The following HCN1 variants were observed in gnomAD, a reference collection of about 807,000 sequenced individuals.
The protein encoded by HCN1 is hyperpolarization activated cyclic nucleotide gated potassium channel 1, also known as potassium/sodium hyperpolarization-activated cyclic nucleotide-gated channel 1.
HCN1 carries 13 observed loss-of-function variants against 78.9 expected under a neutral mutation model. That is an observed-to-expected ratio of 0.16 (90% CI 0.11 to 0.26). The LOEUF (loss-of-function observed/expected upper bound fraction) is 0.26, where lower values mean the gene tolerates loss of function less well. Ranked by LOEUF, HCN1 falls within the 10% of genes least tolerant of loss-of-function variation. The pLI is 1.00. For missense variants in HCN1, 810 were observed against 1,154.3 expected (o/e 0.70, Z 4.32); for synonymous variants, 552 against 455.5 (o/e 1.21, Z -2.70).
intron 2 of HCN1, among the ~76,000 whole-genome samples, chr5:45,493,474 G>A (rs1018608153): frequency 1.5e-4 from 22 of 151,618 alleles, no homozygotes; most frequent in Admixed American, 1.4e-3. Context: ...AAATATCTAT[G>A]TTTTGTGAAA....
At chr5:45,497,258 G>C (rs1579931560) in intron 2 of HCN1, among the ~76,000 whole-genome samples, 1 of 152,178 alleles carries the variant, frequency 6.6e-6, no homozygotes, top group Non-Finnish European at 1.5e-5. Context: ...GGGTATCCTT[G>C]TTGACTTTCT....
chr5:45,581,535 T>C (rs1017168969), intron 2 of HCN1, among the ~76,000 whole-genome samples: 2 of 152,170 alleles, frequency 1.3e-5, no homozygotes, highest in African/African-American at 2.4e-5. Flanking sequence ...TTAGATCCCA[T>C]TTGTCAATTT....
intron 2 of HCN1, among the ~76,000 whole-genome samples, chr5:45,569,921 G>A (rs927425388): frequency 2.6e-5 from 4 of 151,854 alleles, no homozygotes; most frequent in African/African-American, 9.7e-5. Context: ...TTAACATACA[G>A]GAAATGACTT....
chr5:45,678,461 T>C (rs1159702737), intron 1 of HCN1, among the ~76,000 whole-genome samples: 2 of 151,964 alleles, frequency 1.3e-5, no homozygotes, highest in Non-Finnish European at 2.9e-5. Context: ...TATATAGTGG[T>C]AGATTGCAAC....
intron 2 of HCN1, among the ~76,000 whole-genome samples, chr5:45,550,900 A>G (rs1461182214): frequency 6.6e-6 from 1 of 151,930 alleles, no homozygotes; most frequent in Non-Finnish European, 1.5e-5. Context: ...GTTTCTAGGA[A>G]ACCATTCATA....
intron 3 of HCN1, among the ~76,000 whole-genome samples, chr5:45,413,360 G>T (rs963825868): frequency 6.6e-6 from 1 of 151,914 alleles, no homozygotes; most frequent in Admixed American, 6.6e-5. Context: ...GTATCATTTT[G>T]CCAGAAGAGG....
At position 45,523,892 on chromosome 5, in the gene HCN1, T is replaced by C. The variant is rs1227828410; in HGVS notation, c.850-61885A>G. Among the ~76,000 whole-genome samples, 4 of 152,210 alleles carry C rather than the reference T, an allele frequency of 2.6e-5. No individual in the cohort carries two copies. In the East Asian group the frequency reaches 7.7e-4, roughly 29 times the overall value. On this transcript the variant is annotated intron_variant, in intron 2 of 7. Coordinates refer to ENST00000303230, the MANE Select transcript of HCN1 (RefSeq NM_021072.4). ...AGATCCCATTTGTCAATTTTGGCTT[T>C]TGTTGCCATTGCTTTTGGGGTTTTG...
chr5:45,534,136 C>G (rs541485369), intron 2 of HCN1, among the ~76,000 whole-genome samples: 1 of 152,034 alleles, frequency 6.6e-6, no homozygotes, highest in African/African-American at 2.4e-5. Flanking sequence ...TGGCTCATGC[C>G]TGTAATCCCA....
Position 45,303,583 on chromosome 5 carries a change from C to A in HCN1, c.1618+16G>T. 1.2e-6 allele frequency: 2 copies of A among 1,612,690 alleles called. No individual in the cohort carries two copies. The highest frequency in any genetic ancestry group is 8.5e-7 in the Non-Finnish European group (1 of 1,179,254). On this transcript the variant is annotated intron_variant, in intron 6 of 7. Transcript: ENST00000303230. ...AGCAGTTTAGATTTCATCTTAGTTG[C>A]ATCTTTTTTACTAACCTCCAAAGTA...
In HCN1 at chr5:45,611,596, T is replaced by C. The variant is rs188776256; in HGVS notation, c.849+33589A>G. On this transcript the variant is annotated intron_variant, in intron 2 of 7. Transcript: ENST00000303230. ...CCCTACCATTACATTCTTAATAACA[T>C]AATAAATATTTATTAGTTTTATCAC... 2.5e-3 allele frequency among the ~76,000 whole-genome samples: 384 copies of C among 152,132 alleles called. 1 individual carries two copies. Among genetic ancestry groups the C allele is most frequent in the Middle Eastern group, 0.01 (3 of 294 alleles).
chr5:45,680,673 T>A (rs977480622), intron 1 of HCN1, among the ~76,000 whole-genome samples: 4 of 152,104 alleles, frequency 2.6e-5, no homozygotes. Context: ...TAAATAATAA[T>A]ATTGTACTGT....
intron 2 of HCN1, among the ~76,000 whole-genome samples, chr5:45,582,222 GA>G (rs1744095052): frequency 6.6e-6 from 1 of 152,122 alleles, no homozygotes; most frequent in African/African-American, 2.4e-5. Context: ...AGTTCTCCTT[GA>G]AGAGGTCCTT....
intron 4 of HCN1, among the ~76,000 whole-genome samples, chr5:45,361,357 T>C (rs1217610831): frequency 6.6e-6 from 1 of 152,110 alleles, no homozygotes; most frequent in East Asian, 1.9e-4. Context: ...GTACTTTCAG[T>C]AGAGATGGGA....
chr5:45,632,422 A>T (rs1241855859), intron 2 of HCN1, among the ~76,000 whole-genome samples: 1 of 152,014 alleles, frequency 6.6e-6, no homozygotes, highest in Non-Finnish European at 1.5e-5. Flanking sequence ...ACAAAAGAGG[A>T]GGATGAGGAA....
chr5:45,570,814 T>A (rs1308262191), intron 2 of HCN1, among the ~76,000 whole-genome samples: 1 of 152,142 alleles, frequency 6.6e-6, no homozygotes, highest in East Asian at 1.9e-4. Context: ...GAATTAGATG[T>A]TTCTGACACA....
At chr5:45,287,341 T>C (rs2111878618) in intron 6 of HCN1, among the ~76,000 whole-genome samples, 1 of 152,188 alleles carries the variant, frequency 6.6e-6, no homozygotes, top group Non-Finnish European at 1.5e-5. Flanking sequence ...AAGCTCCCTC[T>C]AATTCTAAAT....
intron 1 of HCN1, among the ~76,000 whole-genome samples, chr5:45,675,531 A>T (rs1746250642): frequency 6.6e-6 from 1 of 151,762 alleles, no homozygotes; most frequent in Admixed American, 6.6e-5. Context: ...AAAATCACAC[A>T]ATTATGCCAA....
At chr5:45,297,878 A>G (rs1745531758) in intron 6 of HCN1, among the ~76,000 whole-genome samples, 1 of 152,054 alleles carries the variant, frequency 6.6e-6, no homozygotes, top group Non-Finnish European at 1.5e-5. Flanking sequence ...GACTTGGCAT[A>G]GAAAAACATA....
intron 2 of HCN1, among the ~76,000 whole-genome samples, chr5:45,571,125 C>T (rs186864411): frequency 1.7e-4 from 26 of 152,102 alleles, no homozygotes; most frequent in African/African-American, 5.5e-4. Flanking sequence ...TTTTTGGTTC[C>T]TCTAGCAGGC....
Sources: gnomAD v4.1 joint callset for allele counts (sites outside exome capture counted in the v4.1 genomes callset) on GRCh38, gnomAD v4.1.1 for gene constraint, MANE v1.5 for transcripts, NCBI Gene and HGNC (gene_info 2026-07-23, HGNC 2026-07-21) for gene names.